Variants in ECI2 observed in about 807,000 individuals in gnomAD.
ECI2 encodes D3,D2-enoyl-CoA isomerase.
Under a neutral mutation model 38.4 loss-of-function variants are expected in ECI2, and 27 were observed. The observed-to-expected ratio is 0.70, with a 90% CI of 0.52 to 0.97. ECI2 has a LOEUF of 0.97. Ranked by LOEUF, ECI2 falls within the 50% of genes least tolerant of loss-of-function variation. The probability of loss-of-function intolerance (pLI) is 0.00; values close to 1 mark genes in which losing one functional copy is unlikely to be tolerated. For missense variants in ECI2, 470 were observed against 474.4 expected (o/e 0.99, Z 0.09); for synonymous variants, 168 against 172.0 (o/e 0.98, Z 0.18).
chr6:4,135,515 G>T lies in ECI2; in HGVS notation c.46C>A (p.Pro16Thr), dbSNP rs761795144. 1.3e-6 allele frequency: 2 copies of T among 1,584,338 alleles called. No homozygotes were observed. Among genetic ancestry groups the T allele is most frequent in the East Asian group, 4.8e-5 (2 of 42,084 alleles). Residue 16 changes from proline (P) to threonine (T), a missense_variant, in exon 1 of 10, where the codon CCG (proline) becomes ACG (threonine). Physicochemically the swap from Pro to Thr is conservative, Grantham distance 38. Coordinates refer to ENST00000380118, the MANE Select transcript of ECI2 (RefSeq NM_206836.3). ...LAWRLARRSC[P>T]SSLQVTSFPV... ...CGGCCGGGACTCCAAGCTTACCTCG[G>T]ACACGAACGCCGCGCCAGTCTCCAA...
In ECI2 at chr6:4,130,897, T is replaced by C. The variant is rs746056807; in HGVS notation, c.214-32A>G. ...AAAGGAGAGGGGCAATATGTTCAAA[T>C]GTCCATGTAAACTAGACCCCTAAAT... is the stretch of plus-strand genomic sequence containing the variant. On this transcript the variant is annotated intron_variant, in intron 2 of 9. Transcript: ENST00000380118. 5 of 1,601,964 alleles carry C rather than the reference T, an allele frequency of 3.1e-6. No homozygotes were observed. The African/African-American group carries it at 4.0e-5, about 13-fold the overall frequency.
intron 7 of ECI2, among the ~76,000 whole-genome samples, chr6:4,122,884 T>C (rs1431446469): frequency 6.6e-6 from 1 of 152,220 alleles, no homozygotes; most frequent in Non-Finnish European, 1.5e-5. Context: ...TGCATGTGAA[T>C]AGAGTGCCTA....
At chr6:4,125,743 A>T in intron 6 of ECI2, 1 of 411,100 alleles carries the variant, frequency 2.4e-6, no homozygotes. Context: ...GAATAAAGAG[A>T]AAAGCCTTCA....
At chr6:4,130,636 C>T in intron 3 of ECI2, 76 bp from the exon 4 acceptor site, 1 of 1,609,088 alleles carries the variant, frequency 6.2e-7, no homozygotes, top group Admixed American at 1.7e-5. Flanking sequence ...ATACTAATAA[C>T]TAACACCTTG....
At chr6:4,130,163 GTAT>G in intron 4 of ECI2, 1 of 1,613,722 alleles carries the variant, frequency 6.2e-7, no homozygotes, top group Non-Finnish European at 8.5e-7. Context: ...TGCCTTCTGG[GTAT>G]ATCAGAACCT....
At chr6:4,117,517 C>A in intron 8 of ECI2, 66 bp from the exon 9 acceptor site, 1 of 1,574,012 alleles carries the variant, frequency 6.4e-7, no homozygotes, top group Admixed American at 1.9e-5. Flanking sequence ...CAGTTAACTG[C>A]TTTCAGGAGG....
chr6:4,130,135 T>C lies in ECI2; in HGVS notation c.501+237A>G, dbSNP rs1773425206. On this transcript the variant is annotated intron_variant, in intron 4 of 9. Coordinates refer to ENST00000380118, the MANE Select transcript of ECI2 (RefSeq NM_206836.3). ...TTATATTCATTTATTTCTGCTTCCA[T>C]TATTAGGAAAATCACAGTGCCTTCT... 4 of 1,613,598 alleles carry C rather than the reference T, an allele frequency of 2.5e-6. No homozygotes were observed. The East Asian group carries it at 8.9e-5, about 36-fold the overall frequency.
chr6:4,117,154 T>A (rs888343274), intron 9 of ECI2, among the ~76,000 whole-genome samples, 154 bp downstream of exon 9: 1 of 152,196 alleles, frequency 6.6e-6, no homozygotes, highest in African/African-American at 2.4e-5. Context: ...TTTCCAACAT[T>A]ACTACAGTTA....
chr6:4,134,336 AG>A (rs1773629163), intron 1 of ECI2, among the ~76,000 whole-genome samples: 1 of 152,126 alleles, frequency 6.6e-6, no homozygotes, highest in Non-Finnish European at 1.5e-5. Flanking sequence ...GAGTCAGTGA[AG>A]GGGGCTCAGC....
rs563515558 is a variant in ECI2 at position 4,132,840 on chromosome 6, T to C, written c.213+709A>G. Among the ~76,000 whole-genome samples, 230 of 152,218 alleles carry C rather than the reference T, an allele frequency of 1.5e-3. 2 individuals are homozygous for C. Among genetic ancestry groups the C allele is most frequent in the African/African-American group, 5.4e-3 (223 of 41,554 alleles). On this transcript the variant is annotated intron_variant, in intron 2 of 9. Coordinates refer to ENST00000380118, the MANE Select transcript of ECI2 (RefSeq NM_206836.3). ...AGTGCAGTGGCGCAATCTTGGCTCA[T>C]TGCAACCTGCACCTCACAGGTTCAA...
At chr6:4,127,489 A>G (rs1773247034) in intron 5 of ECI2, among the ~76,000 whole-genome samples, 1 of 130,856 alleles carries the variant, frequency 7.6e-6, no homozygotes, top group Non-Finnish European at 1.5e-5. Flanking sequence ...ACCTCGGGTC[A>G]CTGCAAACTT....
At chr6:4,119,477 T>A (rs1193395074) in intron 7 of ECI2, among the ~76,000 whole-genome samples, 1 of 152,090 alleles carries the variant, frequency 6.6e-6, no homozygotes, top group Non-Finnish European at 1.5e-5. Context: ...TGCGCTGCCA[T>A]GCCTGGCTAA....
intron 1 of ECI2, 127 bp from the exon 2 acceptor site, chr6:4,133,838 G>T: frequency 1.7e-6 from 2 of 1,170,096 alleles, no homozygotes; most frequent in Non-Finnish European, 2.3e-6. Context: ...CTTTATACTT[G>T]CCTCAGCAAA....
chr6:4,125,179 C>T (rs1773061485), intron 7 of ECI2, 71 bp downstream of exon 7: 1 of 1,587,102 alleles, frequency 6.3e-7, no homozygotes, highest in African/African-American at 1.3e-5. Context: ...ACTGGCAACG[C>T]TGAAGGAGGA....
intron 2 of ECI2, among the ~76,000 whole-genome samples, chr6:4,133,313 A>G (rs622859): frequency 0.14 from 21,981 of 152,030 alleles, 2,020 homozygotes; most frequent in African/African-American, 0.24. Flanking sequence ...TGTGAATATT[A>G]TATCTCGTAA....
At chr6:4,134,973 T>G in intron 1 of ECI2, 1 of 372,890 alleles carries the variant, frequency 2.7e-6, no homozygotes, top group Non-Finnish European at 5.5e-6. Context: ...ATGCACAGAT[T>G]CGTGCGGGTT....
chr6:4,125,182 AAGG>A (rs1440640051), intron 7 of ECI2, 65 bp downstream of exon 7: 4 of 1,588,662 alleles, frequency 2.5e-6, no homozygotes, highest in Non-Finnish European at 2.6e-6. Flanking sequence ...GGCAACGCTG[AAGG>A]AGGATTCAAA....
In ECI2 at chr6:4,122,985, T is replaced by C. The variant is rs943967208; in HGVS notation, c.795+2265A>G. On this transcript the variant is annotated intron_variant, in intron 7 of 9. Transcript: ENST00000380118. ...ATGTATCATTTGCTGACAGAGCTAATAGGCATTATTAACCATTGCCCACAG... is the reference window on the plus strand; with the variant it reads ...ATGTATCATTTGCTGACAGAGCTAACAGGCATTATTAACCATTGCCCACAG... 2.0e-5 allele frequency among the ~76,000 whole-genome samples: 3 copies of C among 152,252 alleles called. No homozygotes were observed. The East Asian group carries it at 5.8e-4, about 29-fold the overall frequency.
At chr6:4,135,375 C>A in intron 1 of ECI2, 136 bp downstream of exon 1, 1 of 1,531,994 alleles carries the variant, frequency 6.5e-7, no homozygotes, top group Non-Finnish European at 8.8e-7. Context: ...ACTACCTCAC[C>A]GGAAAACCAG....
Sources: allele counts gnomAD v4.1 joint callset (sites outside exome capture counted in the v4.1 genomes callset), GRCh38; gene constraint gnomAD v4.1.1; transcripts MANE v1.5; gene names NCBI Gene and HGNC (gene_info 2026-07-23, HGNC 2026-07-21).